The following TTLL11 variants were observed in gnomAD, a reference collection of about 807,000 sequenced individuals.
TTLL11 encodes the protein tubulin tyrosine ligase like 11, also known as tubulin polyglutamylase TTLL11.
TTLL11 carries 42 observed loss-of-function variants against 51.7 expected under a neutral mutation model. The ratio of observed to expected loss-of-function variants is 0.81; its 90% CI spans 0.64 to 1.05. The LOEUF is 1.05. TTLL11 is among the 50% of genes least tolerant of loss of function. The pLI is 0.00. For missense variants in TTLL11, 799 were observed against 940.4 expected, an observed-to-expected ratio of 0.85 and a Z score of 1.97; for synonymous variants, 381 against 383.5, an observed-to-expected ratio of 0.99 and a Z score of 0.08.
intron 7 of TTLL11, among the ~76,000 whole-genome samples, chr9:121,865,581 A>T (rs1838153215): frequency 6.6e-6 from 1 of 152,184 alleles, no homozygotes; most frequent in Non-Finnish European, 1.5e-5. Flanking sequence ...ATGCCCCCCA[A>T]ATCAGTAATC....
At chr9:121,829,918 A>G (rs1464986799) in intron 8 of TTLL11, among the ~76,000 whole-genome samples, 6 of 151,884 alleles carry the variant, frequency 4.0e-5, no homozygotes, top group Non-Finnish European at 7.4e-5. Context: ...ATCACCCTTC[A>G]TGGTGCTTCT....
intron 4 of TTLL11, among the ~76,000 whole-genome samples, chr9:121,987,119 G>C (rs1436077920): frequency 2.6e-5 from 4 of 151,942 alleles, no homozygotes; most frequent in African/African-American, 7.3e-5. Flanking sequence ...CCTAATAAAA[G>C]TATTTTCAAA....
chr9:121,979,094 G>C (rs1230538796), intron 4 of TTLL11, among the ~76,000 whole-genome samples: 5 of 152,180 alleles, frequency 3.3e-5, no homozygotes, highest in African/African-American at 9.7e-5. Flanking sequence ...TTCTATCTTG[G>C]GGGGCTTTCT....
At chr9:121,994,388 TAAC>T (rs1843197134) in intron 3 of TTLL11, among the ~76,000 whole-genome samples, 3 of 152,242 alleles carry the variant, frequency 2.0e-5, no homozygotes, top group Admixed American at 1.3e-4. Context: ...ATAATAATAA[TAAC>T]ATTAGCACAC....
chr9:121,870,637 G>A lies in TTLL11; in HGVS notation c.1593C>T (p.Cys531=), dbSNP rs1838325626. 3 of 1,551,674 alleles carry A rather than the reference G, an allele frequency of 1.9e-6. No individual in the cohort carries two copies. In the South Asian group the frequency reaches 3.6e-5, roughly 18 times the overall value. The stretch of plus-strand genomic sequence containing the variant: ...CGTACTTGGGGAACACCTGCTTGAG[G>A]CAAATGGAAGGCAGGTGGGCTTCGG... The part of the protein sequence containing the change: ...ANPEAHLPSI[C]LKQVFPKYAK... Residue 531 remains cysteine, a synonymous_variant, in exon 7 of 9, where the codon TGC becomes TGT. Transcript: ENST00000321582.
intron 6 of TTLL11, among the ~76,000 whole-genome samples, chr9:121,912,159 G>C (rs1216038845): frequency 6.6e-6 from 1 of 152,172 alleles, no homozygotes; most frequent in African/African-American, 2.4e-5. Context: ...TGACCCAGGG[G>C]CCTGGGCCGC....
chr9:121,834,563 T>C (rs1397989024), intron 8 of TTLL11, among the ~76,000 whole-genome samples: 1 of 150,354 alleles, frequency 6.7e-6, no homozygotes, highest in Non-Finnish European at 1.5e-5. Context: ...GCGCGGTGGC[T>C]CACGCCTGTA....
intron 6 of TTLL11, among the ~76,000 whole-genome samples, chr9:121,952,173 G>A (rs1459282830): frequency 4.6e-5 from 7 of 152,116 alleles, no homozygotes; most frequent in Admixed American, 2.0e-4. Context: ...AGGGCCGGGC[G>A]CAGTGGCTCA....
At position 121,817,451 on chromosome 9, in the gene TTLL11, TTACAAA is replaced by T. The variant is rs1836443527; in HGVS notation, c.*5130_*5135del. Reference sequence around the variant, plus strand: ...CACTACGTTTGAGCAGCGCCTTCGTTTACAAAACACTTTCACATTGATGACATTTTC... The same window carrying T: ...CACTACGTTTGAGCAGCGCCTTCGTTACACTTTCACATTGATGACATTTTC... On this transcript the variant is annotated 3_prime_UTR_variant, in exon 9 of 9. Transcript: ENST00000321582. 2 of 152,228 alleles carry T rather than the reference TTACAAA, an allele frequency of 1.3e-5. No homozygotes were observed. The highest frequency in any genetic ancestry group is 2.4e-5 in the African/African-American group (1 of 41,450). 9.4% of individuals were successfully genotyped at this position (152,228 alleles called of 1,614,324 possible).
intron 3 of TTLL11, among the ~76,000 whole-genome samples, chr9:121,993,190 T>C (rs553999602): frequency 1.2e-4 from 19 of 152,310 alleles, no homozygotes; most frequent in Non-Finnish European, 2.1e-4. Flanking sequence ...ATAAAATAAG[T>C]TCTGGACATG....
intron 6 of TTLL11, among the ~76,000 whole-genome samples, chr9:121,946,913 G>A (rs752023974): frequency 1.3e-5 from 2 of 152,050 alleles, no homozygotes; most frequent in East Asian, 3.9e-4. Flanking sequence ...CCATTCATTA[G>A]ATCACCTGCT....
At chr9:121,883,311 G>T (rs1334832406) in intron 6 of TTLL11, among the ~76,000 whole-genome samples, 1 of 152,138 alleles carries the variant, frequency 6.6e-6, no homozygotes, top group Admixed American at 6.5e-5. Flanking sequence ...TGAGGGACTT[G>T]ATGGGGTGGT....
At chr9:122,030,204 G>C (rs548683289) in intron 3 of TTLL11, among the ~76,000 whole-genome samples, 16 of 106,652 alleles carry the variant, frequency 1.5e-4, no homozygotes, top group South Asian at 3.4e-4. Context: ...AGAGACATTG[G>C]GGGGGGGGGG....
chr9:121,903,341 T>G (rs1839833947), intron 6 of TTLL11, among the ~76,000 whole-genome samples: 1 of 152,150 alleles, frequency 6.6e-6, no homozygotes, highest in Non-Finnish European at 1.5e-5. Context: ...AACACAGAAA[T>G]TCTGAGGGCA....
chr9:121,976,722 G>T (rs1377348605), intron 4 of TTLL11, among the ~76,000 whole-genome samples: 1 of 152,274 alleles, frequency 6.6e-6, no homozygotes, highest in East Asian at 1.9e-4. Context: ...GATTCAAGAT[G>T]AAGTTATTTT....
At chr9:122,066,122 C>T (rs933223677) in intron 1 of TTLL11, among the ~76,000 whole-genome samples, 1 of 151,372 alleles carries the variant, frequency 6.6e-6, no homozygotes, top group African/African-American at 2.4e-5. Context: ...ATGCATGTTC[C>T]AAAAATGATA....
intron 3 of TTLL11, among the ~76,000 whole-genome samples, chr9:122,009,950 A>G (rs1050155452): frequency 6.6e-6 from 1 of 152,072 alleles, no homozygotes; most frequent in Admixed American, 6.6e-5. Context: ...ACTAAATTTA[A>G]TTCTCTAATA....
At chr9:122,040,371 C>T in intron 1 of TTLL11, 1 of 985,228 alleles carries the variant, frequency 1.0e-6, no homozygotes, top group Non-Finnish European at 1.2e-6. Flanking sequence ...GAAAATTTCT[C>T]ACCGAGACAA....
intron 3 of TTLL11, among the ~76,000 whole-genome samples, chr9:122,016,284 G>A (rs1055739666): frequency 1.3e-5 from 2 of 152,140 alleles, no homozygotes; most frequent in Admixed American, 1.3e-4. Context: ...GTTAAATATG[G>A]AAGGACCCAG....
Sources: gnomAD v4.1 joint callset for allele counts (sites outside exome capture counted in the v4.1 genomes callset) on GRCh38, gnomAD v4.1.1 for gene constraint, MANE v1.5 for transcripts, NCBI Gene and HGNC (gene_info 2026-07-23, HGNC 2026-07-21) for gene names.